CIITA: variants seen among roughly 807,000 people sequenced by gnomAD.
CIITA encodes MHC class II transactivator.
CIITA carries 72 observed loss-of-function variants against 115.1 expected under a neutral mutation model. The observed-to-expected ratio is 0.63, with a 90% CI of 0.52 to 0.76. CIITA has a LOEUF of 0.76. CIITA is among the 30% of genes least tolerant of loss of function. The pLI is 0.00. For missense variants in CIITA, 1,617 were observed against 1,463.8 expected (o/e 1.10, Z -1.71); for synonymous variants, 763 against 635.6 (o/e 1.20, Z -3.02).
Position 10,942,978 on chromosome 16 carries a change from C to A in CIITA, n.2104C>A, listed in dbSNP as rs2041145254. ...ACCTGCATCCTAGAGTTAAGGAACA[C>A]CTGAATAAAGAGATTCCGAGGTAGT... On this transcript the variant is annotated non_coding_transcript_exon_variant, in exon 2 of 2. Transcript: ENST00000573379. This position sits in a 1 kb window ranked among gnomAD's most constrained non-coding sequence, Gnocchi z 5.0. The A allele has an allele frequency of 6.6e-6, 1 of 152,212 alleles. No individual in the cohort carries two copies. Among genetic ancestry groups the A allele is most frequent in the Non-Finnish European group, 1.5e-5 (1 of 68,048 alleles). The allele number at this position is 152,212 out of a possible 1,614,324, so 9.4% of individuals were successfully genotyped here. A position where few individuals can be genotyped will look rare whatever the true frequency, so the allele number is the denominator to read the frequency against.
In CIITA at chr16:10,917,363, G is replaced by A. The variant is rs144587618; in HGVS notation, c.3062+904G>A. 5.1e-3 allele frequency among the ~76,000 whole-genome samples: 776 copies of A among 152,258 alleles called. 3 individuals carry two copies. The highest frequency in any genetic ancestry group is 0.017 in the African/African-American group (709 of 41,556). On this transcript the variant is annotated intron_variant, in intron 15 of 19. Transcript: ENST00000324288. ...AATTTTTGTATTTTTTTGTAGAGAC[G>A]TGGTTTCACCACGTTGCCCAGGCTG...
intron 5 of CIITA, among the ~76,000 whole-genome samples, chr16:10,900,049 C>G (rs1201720290): frequency 6.6e-6 from 1 of 152,102 alleles, no homozygotes; most frequent in Non-Finnish European, 1.5e-5. Flanking sequence ...CCACTGCACT[C>G]CAGCCTGGGT....
chr16:10,878,050 G>A (rs2036013753), intron 1 of CIITA, among the ~76,000 whole-genome samples: 1 of 152,168 alleles, frequency 6.6e-6, no homozygotes, highest in African/African-American at 2.4e-5. Context: ...AGTGTACAAT[G>A]GACCTGTGGG....
In CIITA at chr16:10,929,793, G is replaced by A. The variant is rs1596640659; in HGVS notation, c.*5938G>A. 1 of 155,438 alleles carries A rather than the reference G, an allele frequency of 6.4e-6. No homozygotes were observed. The highest frequency in any genetic ancestry group is 3.4e-3 in the Middle Eastern group (1 of 298). The allele number at this position is 155,438 out of a possible 1,614,324, so 9.6% of individuals were successfully genotyped here. On this transcript the variant is annotated 3_prime_UTR_variant, in exon 20 of 20. Transcript: ENST00000324288. The surrounding 1 kb of genome is among the most constrained non-coding windows in gnomAD (Gnocchi z 4.3). ...TTTGCCTAATTTCTCAGAGACCCTG[G>A]GCTGGAGAACCAGTGCAATGTCACA...
upstream of CIITA, among the ~76,000 whole-genome samples, chr16:10,876,161 A>G (rs568760060): frequency 1.3e-5 from 2 of 152,180 alleles, no homozygotes; most frequent in East Asian, 3.9e-4. Flanking sequence ...CGTCTAAAAA[A>G]AAACAAAAAC....
At chr16:10,894,539 G>T (rs12934481) in intron 1 of CIITA, among the ~76,000 whole-genome samples, 27,537 of 152,140 alleles carry the variant, frequency 0.18, 2,625 homozygotes, top group East Asian at 0.3. Context: ...ATGCATAGAA[G>T]GTATAATGAT....
At chr16:10,877,103 C>G, upstream of CIITA, 1 of 613,056 alleles carries the variant, frequency 1.6e-6, no homozygotes. Flanking sequence ...GAAATCTGAC[C>G]GCTTGGGGCC....
At chr16:10,882,128 G>C (rs2036491396) in intron 1 of CIITA, among the ~76,000 whole-genome samples, 1 of 152,062 alleles carries the variant, frequency 6.6e-6, no homozygotes, top group Admixed American at 6.5e-5. Flanking sequence ...TAGGTACATG[G>C]GTGGACAAAT....
intron 13 of CIITA, among the ~76,000 whole-genome samples, chr16:10,910,877 C>T (rs2039511836): frequency 6.6e-6 from 1 of 152,236 alleles, no homozygotes; most frequent in African/African-American, 2.4e-5. Flanking sequence ...TTGAAATTCC[C>T]AGGAGCTTTT....
rs1464337726 is a variant in CIITA at position 10,907,341 on chromosome 16, G to C, written c.1849G>C (p.Val617Leu). 1.2e-6 allele frequency: 2 copies of C among 1,613,604 alleles called. No homozygotes were observed. Among genetic ancestry groups the C allele is most frequent in the South Asian group, 2.2e-5 (2 of 91,082 alleles). The change falls in exon 11 of 20, where the codon GTG becomes CTG. Residue 617 changes from valine to leucine, a missense_variant. By Grantham distance (32) the Val-to-Leu change is conservative (BLOSUM62 1). Coordinates refer to ENST00000324288, the MANE Select transcript of CIITA (RefSeq NM_000246.4). The surrounding 1 kb of genome is among the most constrained non-coding windows in gnomAD (Gnocchi z 5.0). ...CCACAGCCCTACTTTGTGCCGGGCAGTGTGCCAGCTCTCAGAGGCCCTGCT... is the reference window on the plus strand; with the variant it reads ...CCACAGCCCTACTTTGTGCCGGGCACTGTGCCAGCTCTCAGAGGCCCTGCT... ...HSHSPTLCRA[V>L]CQLSEALLEL...
At position 10,898,963 on chromosome 16, in the gene CIITA, G is replaced by C. The variant is rs1398227497; in HGVS notation, c.397G>C (p.Glu133Gln). 4 of 1,614,050 alleles carry C rather than the reference G, an allele frequency of 2.5e-6. No homozygotes were observed. Among genetic ancestry groups the C allele is most frequent in the Non-Finnish European group, 2.5e-6 (3 of 1,180,014 alleles). ...GPDEVIGESM[E>Q]MPAEVGQKSQ... ...AGATGAAGTGATCGGTGAGAGTATG[G>C]AGATGCCAGCAGAAGTTGGGCAGAA... The change falls in exon 5 of 20, where the codon GAG (glutamate) becomes CAG (glutamine). Residue 133 changes from glutamate (E) to glutamine (Q), a missense_variant. By Grantham distance (29) the Glu-to-Gln change is conservative (BLOSUM62 2). Transcript: ENST00000324288.
Position 10,935,478 on chromosome 16 carries a change from CGAT to C in CIITA, c.*11630_*11632del, listed in dbSNP as rs2040988829. On this transcript the variant is annotated 3_prime_UTR_variant, in exon 20 of 20. Transcript: ENST00000324288. ...AGTTAGTGTTTTTATCCATGCCAAG[CGAT>C]GATGATTTTCTCTTTAGTGACAGAC... 1 of 152,108 alleles carries C rather than the reference CGAT, an allele frequency of 6.6e-6. No individual in the cohort carries two copies. Among genetic ancestry groups the C allele is most frequent in the South Asian group, 2.1e-4 (1 of 4,822 alleles). 9.4% of individuals were successfully genotyped at this position (152,108 alleles called of 1,614,324 possible).
rs370798143 is a variant in CIITA, at chr16:10,879,164, C to A, written c.52+1782C>A. On this transcript the variant is annotated intron_variant, in intron 1 of 19. Coordinates refer to ENST00000324288, the MANE Select transcript of CIITA (RefSeq NM_000246.4). This position sits in a 1 kb window ranked among gnomAD's most constrained non-coding sequence, Gnocchi z 4.3. ...TGGGAGGATGGGGGGATGGAATATGCAAAATGTAGGGCCGGGAAACACCTC... is the reference window on the plus strand; with the variant it reads ...TGGGAGGATGGGGGGATGGAATATGAAAAATGTAGGGCCGGGAAACACCTC... 1.5e-4 allele frequency: 26 copies of A among 179,216 alleles called. No individual in the cohort carries two copies. Among genetic ancestry groups the A allele is most frequent in the East Asian group, 7.4e-4 (8 of 10,824 alleles). 11.1% of individuals were successfully genotyped at this position (179,216 alleles called of 1,614,324 possible). A position where few individuals can be genotyped will look rare whatever the true frequency, so the allele number is the denominator to read the frequency against.
At chr16:10,914,424 C>T (rs893857555) in intron 13 of CIITA, among the ~76,000 whole-genome samples, 7 of 152,154 alleles carry the variant, frequency 4.6e-5, no homozygotes, top group Admixed American at 3.3e-4. Flanking sequence ...TGCGCGGTTA[C>T]TGTTTTTTAA....
intron 13 of CIITA, among the ~76,000 whole-genome samples, chr16:10,914,718 C>G (rs1408994947): frequency 6.6e-6 from 1 of 152,120 alleles, no homozygotes; most frequent in Non-Finnish European, 1.5e-5. Flanking sequence ...CCTCAGTTTC[C>G]CTATATGTAA....
rs566639178 is a variant in CIITA at position 10,879,420 on chromosome 16, G to A, written c.52+2038G>A. 6.6e-6 allele frequency among the ~76,000 whole-genome samples: 1 copy of A among 152,306 alleles called. No individual in the cohort carries two copies. Among genetic ancestry groups the A allele is most frequent in the African/African-American group, 2.4e-5 (1 of 41,562 alleles). The stretch of plus-strand genomic sequence containing the variant: ...TCCTGCAGAGGTGCGCGCCCTTCTT[G>A]TACGCCAGACTTTGGACCAGGGCCG... On this transcript the variant is annotated intron_variant, in intron 1 of 19. Coordinates refer to ENST00000324288, the MANE Select transcript of CIITA (RefSeq NM_000246.4). The surrounding 1 kb of genome is among the most constrained non-coding windows in gnomAD (Gnocchi z 4.3).
intron 12 of CIITA, 140 bp from the exon 13 acceptor site, chr16:10,910,048 T>TG: frequency 1.4e-6 from 1 of 705,342 alleles, no homozygotes; most frequent in Non-Finnish European, 2.5e-6. Flanking sequence ...TCTTTTTTTT[T>TG]AAGAGGGGGA....
At chr16:10,903,934 G>T (rs772144253) in intron 9 of CIITA, 39 bp downstream of exon 9, 1 of 1,613,528 alleles carries the variant, frequency 6.2e-7, no homozygotes, top group Non-Finnish European at 8.5e-7. Flanking sequence ...ACTAGAAGCA[G>T]GATCGAGGCC....
At chr16:10,912,980 C>A (rs1369219885) in intron 13 of CIITA, among the ~76,000 whole-genome samples, 2 of 152,278 alleles carry the variant, frequency 1.3e-5, no homozygotes, top group African/African-American at 4.8e-5. Flanking sequence ...CACAACCCTA[C>A]AGGGACTTCG....
Sources: allele counts gnomAD v4.1 joint callset (sites outside exome capture counted in the v4.1 genomes callset), GRCh38; gene constraint gnomAD v4.1.1; non-coding constraint Gnocchi (gnomAD v3.1); transcripts MANE v1.5; gene names NCBI Gene and HGNC (gene_info 2026-07-23, HGNC 2026-07-21).